PDE4D: variants seen among roughly 807,000 people sequenced by gnomAD.
PDE4D encodes the protein phosphodiesterase 4D, also known as 3',5'-cyclic-AMP phosphodiesterase 4D.
PDE4D carries 24 observed loss-of-function variants against 87.4 expected under a neutral mutation model. That is an observed-to-expected ratio of 0.27 (90% CI 0.20 to 0.39). PDE4D has a LOEUF of 0.39. Ranked by LOEUF, PDE4D falls within the 10% of genes least tolerant of loss-of-function variation. PDE4D has a pLI of 1.00. For missense variants in PDE4D, 714 were observed against 1,041.0 expected, an observed-to-expected ratio of 0.69 and a Z score of 4.32; for synonymous variants, 384 against 383.2, an observed-to-expected ratio of 1.00 and a Z score of -0.02.
chr5:59,687,027 A>G (rs573890222), intron 1 of PDE4D, among the ~76,000 whole-genome samples: 1 of 152,306 alleles, frequency 6.6e-6, no homozygotes, highest in African/African-American at 2.4e-5. Context: ...TAAAGAAAGA[A>G]GCAGCTAAGA....
intron 1 of PDE4D, among the ~76,000 whole-genome samples, chr5:59,492,277 G>C (rs1210990179): frequency 6.6e-6 from 1 of 152,138 alleles, no homozygotes; most frequent in Admixed American, 6.5e-5. Context: ...GACAATAAAT[G>C]ATGTAGAACA....
intron 2 of PDE4D, among the ~76,000 whole-genome samples, chr5:60,037,235 A>G (rs1276297582): frequency 6.6e-6 from 1 of 152,204 alleles, no homozygotes; most frequent in African/African-American, 2.4e-5. Flanking sequence ...CATGCAATAC[A>G]ATATGTTAAA....
intron 1 of PDE4D, among the ~76,000 whole-genome samples, chr5:59,648,676 G>T (rs1370015205): frequency 4.0e-5 from 6 of 150,682 alleles, no homozygotes; most frequent in African/African-American, 1.2e-4. Flanking sequence ...TCTCAAAAAT[G>T]CTTCCACAAG....
At chr5:60,221,310 A>G (rs964100761) in intron 1 of PDE4D, among the ~76,000 whole-genome samples, 109 of 152,250 alleles carry the variant, frequency 7.2e-4, no homozygotes, top group African/African-American at 2.6e-3. Context: ...AGAAGTGGAG[A>G]TTATAAATAT....
At chr5:59,671,874 C>T (rs1747272479) in intron 1 of PDE4D, among the ~76,000 whole-genome samples, 1 of 151,532 alleles carries the variant, frequency 6.6e-6, no homozygotes, top group African/African-American at 2.4e-5. Context: ...AAAAGCACTA[C>T]TTATGATGGA....
intron 1 of PDE4D, among the ~76,000 whole-genome samples, chr5:60,224,072 T>C (rs1461209921): frequency 6.6e-6 from 1 of 152,126 alleles, no homozygotes; most frequent in East Asian, 1.9e-4. Context: ...TGTCAACATT[T>C]GTCCATGCTA....
At chr5:59,874,757 A>C (rs1239644591) in intron 1 of PDE4D, among the ~76,000 whole-genome samples, 1 of 152,184 alleles carries the variant, frequency 6.6e-6, no homozygotes, top group Non-Finnish European at 1.5e-5. Context: ...GGAATTTCCA[A>C]CCTGACTTGG....
chr5:60,121,205 A>G (rs765829428), intron 2 of PDE4D, among the ~76,000 whole-genome samples: 3 of 151,714 alleles, frequency 2.0e-5, no homozygotes, highest in Non-Finnish European at 4.4e-5. Context: ...AGATATATAT[A>G]TATATATCTC....
intron 1 of PDE4D, among the ~76,000 whole-genome samples, chr5:59,325,305 C>T (rs1277903610): frequency 6.6e-6 from 1 of 152,122 alleles, no homozygotes; most frequent in Non-Finnish European, 1.5e-5. Context: ...GATAGCTGAA[C>T]CCACAATTAT....
At chr5:59,002,805 A>G (rs1432732231) in intron 6 of PDE4D, among the ~76,000 whole-genome samples, 1 of 152,238 alleles carries the variant, frequency 6.6e-6, no homozygotes, top group Non-Finnish European at 1.5e-5. Context: ...ATACATTCAT[A>G]TTTCAAAGTA....
intron 1 of PDE4D, among the ~76,000 whole-genome samples, chr5:60,255,508 G>C (rs1348648677): frequency 6.6e-6 from 1 of 151,760 alleles, no homozygotes; most frequent in Non-Finnish European, 1.5e-5. Flanking sequence ...AGTGAGAAGT[G>C]GGTTCAAATC....
chr5:59,085,474 C>T (rs538952077), intron 5 of PDE4D, among the ~76,000 whole-genome samples: 1 of 152,218 alleles, frequency 6.6e-6, no homozygotes, highest in African/African-American at 2.4e-5. Flanking sequence ...TATAGCCACT[C>T]AATAAATATT....
intron 1 of PDE4D, among the ~76,000 whole-genome samples, chr5:59,688,895 C>G (rs1271595887): frequency 6.6e-6 from 1 of 152,194 alleles, no homozygotes; most frequent in African/African-American, 2.4e-5. Flanking sequence ...GATATCACCA[C>G]TGATCCCACA....
intron 1 of PDE4D, among the ~76,000 whole-genome samples, chr5:59,657,409 A>G (rs918398786): frequency 2.0e-4 from 30 of 152,144 alleles, no homozygotes; most frequent in African/African-American, 7.0e-4. Flanking sequence ...TCACCAATAA[A>G]TTAAGGCTAT....
intron 5 of PDE4D, chr5:59,179,538 T>C (rs982840484): frequency 3.0e-6 from 1 of 334,980 alleles, no homozygotes; most frequent in African/African-American, 2.2e-5. Flanking sequence ...TTAACATTCA[T>C]TGAAATACAA....
chr5:59,558,686 C>T (rs1819410550), intron 1 of PDE4D: 2 of 152,230 alleles, frequency 1.3e-5, no homozygotes, highest in African/African-American at 2.4e-5. Flanking sequence ...GGCTACTCTT[C>T]CAGACACCAG....
intron 6 of PDE4D, among the ~76,000 whole-genome samples, chr5:59,017,286 G>A (rs915539990): frequency 1.3e-5 from 2 of 152,172 alleles, no homozygotes; most frequent in African/African-American, 4.8e-5. Context: ...AAAAGTGCTT[G>A]AGGCAAAACT....
chr5:60,245,161 T>C (rs888758668), intron 1 of PDE4D, among the ~76,000 whole-genome samples: 1 of 151,806 alleles, frequency 6.6e-6, no homozygotes, highest in African/African-American at 2.4e-5. Flanking sequence ...AAAGAAGACA[T>C]ACAAATGGAA....
rs746071053 is a variant in PDE4D at position 59,301,872 on chromosome 5, A to G, written c.456-85904T>C. Among the ~76,000 whole-genome samples the G allele has an allele frequency of 1.7e-4, 26 of 152,084 alleles. 1 individual carries two copies. Among genetic ancestry groups the G allele is most frequent in the Admixed American group, 6.6e-5 (1 of 15,266 alleles). On this transcript the variant is annotated intron_variant, in intron 1 of 14. Coordinates refer to ENST00000340635, the MANE Select transcript of PDE4D (RefSeq NM_001104631.2). Reference sequence around the variant, plus strand: ...CAGATGGTCATGGCTGGCACCAAGAAGGGGAAAATTTCCTCCCAAACAGGA... The same window carrying G: ...CAGATGGTCATGGCTGGCACCAAGAGGGGGAAAATTTCCTCCCAAACAGGA...
Sources: allele counts gnomAD v4.1 joint callset (sites outside exome capture counted in the v4.1 genomes callset), GRCh38; gene constraint gnomAD v4.1.1; transcripts MANE v1.5; gene names NCBI Gene and HGNC (gene_info 2026-07-23, HGNC 2026-07-21).